Variants in FANCB observed in about 807,000 individuals in gnomAD.
FANCB encodes the protein Fanconi anemia group B protein.
Under a neutral mutation model 38.9 loss-of-function variants are expected in FANCB, and 5 were observed. The ratio of observed to expected loss-of-function variants is 0.13; its 90% CI spans 0.07 to 0.27. The LOEUF (loss-of-function observed/expected upper bound fraction) is 0.27, where lower values mean the gene tolerates loss of function less well. FANCB is among the 10% of genes least tolerant of loss of function. FANCB has a pLI of 1.00. For missense variants in FANCB, 573 were observed against 602.7 expected, an observed-to-expected ratio of 0.95 and a Z score of 0.52; for synonymous variants, 236 against 215.4, an observed-to-expected ratio of 1.10 and a Z score of -0.84.
Position 14,853,185 on chromosome X carries a change from A to G in FANCB, c.1198-18T>C. The G allele has an allele frequency of 8.4e-7, 1 of 1,192,348 alleles. No individual in the cohort carries two copies. Among genetic ancestry groups the G allele is most frequent in the Middle Eastern group, 2.4e-4 (1 of 4,136 alleles). ...AAACAAACCTGTAAAGTAGAAAGAA[A>G]AATAGTGGCAAGAAACATGATTTCA... is the stretch of plus-strand genomic sequence containing the variant. On this transcript the variant is annotated intron_variant, in intron 5 of 9. Transcript: ENST00000650831.
intron 3 of FANCB, among the ~76,000 whole-genome samples, chrX:14,864,047 AC>A (rs1477284645): frequency 9.0e-6 from 1 of 111,029 alleles, no homozygotes; most frequent in Non-Finnish European, 1.9e-5. Flanking sequence ...AGGCAGGAGA[AC>A]CGCTTGAACC....
downstream of FANCB, among the ~76,000 whole-genome samples, chrX:14,838,865 T>C (rs2092347578): frequency 8.9e-6 from 1 of 112,479 alleles, no homozygotes; most frequent in South Asian, 3.7e-4. Flanking sequence ...TTGTATTTCC[T>C]AAACAGTCCC....
chrX:14,725,913 A>G, the FANCB span, among the ~76,000 whole-genome samples: 2 of 112,599 alleles, frequency 1.8e-5, no homozygotes, highest in Admixed American at 9.4e-5. Flanking sequence ...TGAAACCTTG[A>G]CTGGATGATT....
chrX:14,824,219 G>A, the FANCB span, among the ~76,000 whole-genome samples: 3 of 111,539 alleles, frequency 2.7e-5, no homozygotes, highest in Non-Finnish European at 5.7e-5. Context: ...CTTTGGGTTG[G>A]CCACACTGGG....
the FANCB span, among the ~76,000 whole-genome samples, chrX:14,814,963 A>T: frequency 8.9e-6 from 1 of 112,237 alleles, no homozygotes; most frequent in Non-Finnish European, 1.9e-5. Context: ...AATGTGGCAC[A>T]TATATACTAT....
At chrX:14,862,202 C>T (rs2092449510) in intron 3 of FANCB, 1 of 110,940 alleles carries the variant, frequency 9.0e-6, no homozygotes, top group African/African-American at 3.3e-5. Flanking sequence ...AGAAGCAGGA[C>T]CTGAATACGC....
At chrX:14,813,117 C>G in the FANCB span, among the ~76,000 whole-genome samples, 6,060 of 106,800 alleles carry the variant, frequency 0.057, 262 homozygotes, top group African/African-American at 0.12. Flanking sequence ...ATTCAACAAC[C>G]CTTCATGCTA....
chrX:14,733,295 A>C, the FANCB span, among the ~76,000 whole-genome samples: 1 of 111,593 alleles, frequency 9.0e-6, no homozygotes, highest in Non-Finnish European at 1.9e-5. Context: ...GTTTGAAGTC[A>C]GGTAGCATGA....
intron 7 of FANCB, 23 bp downstream of exon 7, chrX:14,850,482 T>C: frequency 8.6e-7 from 1 of 1,156,659 alleles, no homozygotes; most frequent in South Asian, 1.8e-5. Flanking sequence ...CAAGACAGTG[T>C]TATCATGTTG....
chrX:14,739,928 G>A, the FANCB span, among the ~76,000 whole-genome samples: 1 of 112,196 alleles, frequency 8.9e-6, no homozygotes, highest in East Asian at 2.8e-4. Context: ...GCAGGTAAAT[G>A]TAGCTTCAAA....
chrX:14,691,878 A>T, the FANCB span, among the ~76,000 whole-genome samples: 2 of 112,363 alleles, frequency 1.8e-5, no homozygotes, highest in Non-Finnish European at 1.9e-5. Context: ...AGAGAGAGAA[A>T]GATTTTTCAA....
the FANCB span, among the ~76,000 whole-genome samples, chrX:14,779,962 T>C: frequency 9.0e-6 from 1 of 111,026 alleles, no homozygotes; most frequent in African/African-American, 3.4e-5. Context: ...TGTTACTAAG[T>C]AATGGGGAAC....
the FANCB span, among the ~76,000 whole-genome samples, chrX:14,811,336 T>C: frequency 9.0e-6 from 1 of 111,414 alleles, no homozygotes; most frequent in Admixed American, 9.5e-5. Flanking sequence ...TAAATGTAAA[T>C]GCACTAAATG....
the FANCB span, among the ~76,000 whole-genome samples, chrX:14,757,509 C>A: frequency 1.8e-5 from 2 of 111,986 alleles, no homozygotes; most frequent in African/African-American, 6.5e-5. Flanking sequence ...AGCCAAAAAA[C>A]TGTGAGTGCT....
At chrX:14,718,827 C>T in the FANCB span, among the ~76,000 whole-genome samples, 1 of 111,574 alleles carries the variant, frequency 9.0e-6, no homozygotes, top group Non-Finnish European at 1.9e-5. Context: ...GGCTGCATTG[C>T]CTTTTATGAA....
downstream of FANCB, among the ~76,000 whole-genome samples, chrX:14,838,628 G>C (rs373969741): frequency 0.083 from 9,260 of 111,217 alleles, 859 homozygotes; most frequent in African/African-American, 0.27. Context: ...TAACCAAATT[G>C]AGTCATTCTA....
the FANCB span, among the ~76,000 whole-genome samples, chrX:14,702,470 G>C: frequency 8.9e-6 from 1 of 111,980 alleles, no homozygotes; most frequent in South Asian, 3.7e-4. Flanking sequence ...TTGTAATTTT[G>C]CTAGAACTAG....
At chrX:14,728,373 A>G in the FANCB span, among the ~76,000 whole-genome samples, 1 of 111,522 alleles carries the variant, frequency 9.0e-6, no homozygotes, top group Non-Finnish European at 1.9e-5. Context: ...AGCCTGGGCA[A>G]CAGAGTGAGA....
the FANCB span, among the ~76,000 whole-genome samples, chrX:14,699,833 A>G: frequency 2.7e-5 from 3 of 111,770 alleles, no homozygotes; most frequent in Non-Finnish European, 5.6e-5. Context: ...TTGCAGGGAC[A>G]TGGATGGAGC....
Sources: gnomAD v4.1 joint callset for allele counts (sites outside exome capture counted in the v4.1 genomes callset) on GRCh38, gnomAD v4.1.1 for gene constraint, MANE v1.5 for transcripts, NCBI Gene and HGNC (gene_info 2026-07-23, HGNC 2026-07-21) for gene names.